Variants in WNK2 observed in about 807,000 individuals in gnomAD.
The protein encoded by WNK2 is serine/threonine-protein kinase WNK2.
In WNK2, 67 loss-of-function variants were observed where a neutral mutation model predicts 192.1. The observed-to-expected ratio is 0.35, with a 90% CI of 0.29 to 0.43. The LOEUF is 0.43. WNK2 is among the 20% of genes least tolerant of loss of function. The probability of loss-of-function intolerance (pLI) is 1.00; values close to 1 mark genes in which losing one functional copy is unlikely to be tolerated. For missense variants in WNK2, 2,698 were observed against 3,089.7 expected, an observed-to-expected ratio of 0.87 and a Z score of 3.01; for synonymous variants, 1,439 against 1,393.9, an observed-to-expected ratio of 1.03 and a Z score of -0.72.
At chr9:93,201,887 G>T (rs1386843978) in intron 2 of WNK2, among the ~76,000 whole-genome samples, 1 of 152,208 alleles carries the variant, frequency 6.6e-6, no homozygotes, top group Non-Finnish European at 1.5e-5. Context: ...AACTGTTTAT[G>T]GATGGGTTTC....
At position 93,252,944 on chromosome 9, in the gene WNK2, G is replaced by A; in HGVS notation, c.1896G>A (p.Gln632=). 6.3e-7 allele frequency: 1 copy of A among 1,577,964 alleles called. No individual in the cohort carries two copies. Among genetic ancestry groups the A allele is most frequent in the East Asian group, 2.4e-5 (1 of 41,964 alleles). Residue 632 remains glutamine (Q), a synonymous_variant, in exon 9 of 30, where the codon CAG becomes CAA. Coordinates refer to ENST00000427277, the MANE Select transcript of WNK2 (RefSeq NM_006648.4). ...STVYSDSQSS[Q]QSVMLGSLAD... is the part of the protein sequence containing the mutation. Reference sequence around the variant, plus strand: ...TGTACTCAGACTCGCAGAGCAGCCAGCAGAGCGTGATGCTTGGCTCCCTTG... The same window carrying A: ...TGTACTCAGACTCGCAGAGCAGCCAACAGAGCGTGATGCTTGGCTCCCTTG...
In WNK2 at chr9:93,231,018, A is replaced by G; in HGVS notation, c.985A>G (p.Ile329Val). ...IIHRDLKCDN[I>V]FITGPTGSVK... ...CCACCGAGACCTGAAATGTGACAAT[A>G]TTTTCATCACCGGACCAACTGGGTC... Residue 329 changes from isoleucine (I) to valine (V), a missense_variant, in exon 4 of 30, where the codon ATT becomes GTT. Ile to Val is a conservative substitution (Grantham distance 29). Transcript: ENST00000427277. 2 of 1,613,798 alleles carry G rather than the reference A, an allele frequency of 1.2e-6. No homozygotes were observed. The highest frequency in any genetic ancestry group is 1.7e-6 in the Non-Finnish European group (2 of 1,179,848).
chr9:93,297,796 G>A, intron 23 of WNK2, 57 bp from the exon 24 acceptor site: 5 of 1,498,928 alleles, frequency 3.3e-6, no homozygotes, highest in Non-Finnish European at 4.5e-6. Flanking sequence ...GGAGGAGCTG[G>A]CGGTGTTGGA....
intron 2 of WNK2, among the ~76,000 whole-genome samples, chr9:93,211,178 C>T (rs62641080): frequency 0.15 from 215 of 1,418 alleles, 21 homozygotes; most frequent in African/African-American, 0.31. Flanking sequence ...ACTCATACAT[C>T]CACTCATTCA....
Position 93,263,609 on chromosome 9 carries a change from A to G in WNK2, c.3454A>G (p.Ser1152Gly), listed in dbSNP as rs1844643049. The part of the protein sequence containing the change: ...DVTSGKELSD[S>G]CEGAFGGGRL... ...CACTTCTGGAAAAGAGCTGAGTGAC[A>G]GCTGTGAAGGCGCCTTTGGAGGGGG... Residue 1152 changes from serine to glycine, a missense_variant, in exon 15 of 30, where the codon AGC becomes GGC. Ser to Gly is a moderately conservative substitution (Grantham distance 56, BLOSUM62 0). Transcript: ENST00000427277. 6 of 1,610,576 alleles carry G rather than the reference A, an allele frequency of 3.7e-6. No individual in the cohort carries two copies. Among genetic ancestry groups the G allele is most frequent in the Non-Finnish European group, 5.1e-6 (6 of 1,179,108 alleles).
chr9:93,304,405 C>T (rs760800964), intron 26 of WNK2, among the ~76,000 whole-genome samples: 6 of 152,390 alleles, frequency 3.9e-5, no homozygotes, highest in East Asian at 3.9e-4. Flanking sequence ...AAGAAAGCAG[C>T]GGATCCCCCA....
At chr9:93,207,922 T>G (rs1378888686) in intron 2 of WNK2, among the ~76,000 whole-genome samples, 1 of 152,208 alleles carries the variant, frequency 6.6e-6, no homozygotes, top group African/African-American at 2.4e-5. Context: ...CCTGTGGACT[T>G]TAGGGGGACA....
chr9:93,201,493 A>G (rs1832349872), intron 2 of WNK2, among the ~76,000 whole-genome samples: 1 of 152,166 alleles, frequency 6.6e-6, no homozygotes. Context: ...CCTGCTGTAG[A>G]GCTTGTGGGA....
intron 7 of WNK2, among the ~76,000 whole-genome samples, chr9:93,246,618 G>T (rs1184708813): frequency 6.6e-6 from 1 of 152,204 alleles, no homozygotes; most frequent in Non-Finnish European, 1.5e-5. Context: ...GGTCACTTTT[G>T]TGGGGTCGCC....
rs1843900958 is a variant in WNK2 at position 93,259,714 on chromosome 9, G to A, written c.3066+100G>A. The A allele has an allele frequency of 1.7e-6, 2 of 1,163,716 alleles. No individual in the cohort carries two copies. The highest frequency in any genetic ancestry group is 3.1e-5 in the African/African-American group (2 of 64,522). The allele number at this position is 1,163,716 out of a possible 1,614,324, so 72.1% of individuals were successfully genotyped here. On this transcript the variant is annotated intron_variant, in intron 12 of 29. Coordinates refer to ENST00000427277, the MANE Select transcript of WNK2 (RefSeq NM_006648.4). This position sits in a 1 kb window ranked among gnomAD's most constrained non-coding sequence, Gnocchi z 4.8. ...CAGAGGCAGGCAAGGAGGCAGCCCT[G>A]CCTGGGGTCGCCCCTCTCAGGAAGA...
intron 12 of WNK2, among the ~76,000 whole-genome samples, chr9:93,260,318 G>T (rs966399792): frequency 6.6e-6 from 1 of 152,182 alleles, no homozygotes; most frequent in Non-Finnish European, 1.5e-5. Context: ...AGAGGGGCTA[G>T]TATGGGAGCC....
Position 93,289,127 on chromosome 9 carries a change from C to A in WNK2, c.4373C>A (p.Pro1458Gln). Reference protein sequence around the residue: ...PLVVGLAPCTPAPEAASTRDA... With the variant: ...PLVVGLAPCTQAPEAASTRDA... ...GTGGTGGGCCTAGCACCTTGCACTC[C>A]AGCTCCAGAGGCTGCCTCAACCAGG... The change falls in exon 20 of 30, where the codon CCA becomes CAA. Residue 1458 changes from proline to glutamine, a missense_variant. By Grantham distance (76) the Pro-to-Gln change is moderately conservative. Coordinates refer to ENST00000427277, the MANE Select transcript of WNK2 (RefSeq NM_006648.4). The A allele has an allele frequency of 6.2e-7, 1 of 1,603,418 alleles. No individual in the cohort carries two copies. Among genetic ancestry groups the A allele is most frequent in the Non-Finnish European group, 8.5e-7 (1 of 1,174,380 alleles).
chr9:93,280,617 AT>A (rs1370504886), intron 19 of WNK2, among the ~76,000 whole-genome samples: 1 of 152,164 alleles, frequency 6.6e-6, no homozygotes, highest in East Asian at 1.9e-4. Context: ...TATCCTTCAC[AT>A]TTCTTGAGTT....
At chr9:93,268,537 CTG>C in intron 18 of WNK2, 88 bp from the exon 19 acceptor site, 1 of 1,545,834 alleles carries the variant, frequency 6.5e-7, no homozygotes, top group Non-Finnish European at 8.7e-7. Flanking sequence ...CACAGACCCA[CTG>C]TGGCAAGTCT....
chr9:93,300,447 C>G (rs1320698475), intron 26 of WNK2: 1 of 296,820 alleles, frequency 3.4e-6, no homozygotes, highest in African/African-American at 2.2e-5. Flanking sequence ...CCCAGAAGGA[C>G]TGGAGCCCTT....
intron 5 of WNK2, among the ~76,000 whole-genome samples, 191 bp from the exon 6 acceptor site, chr9:93,238,042 C>G (rs1490630209): frequency 6.6e-6 from 1 of 152,154 alleles, no homozygotes; most frequent in African/African-American, 2.4e-5. Context: ...GTCCCTTTCT[C>G]CCAGAGCCCG....
chr9:93,299,110 C>A lies in WNK2; in HGVS notation c.5964C>A (p.Asp1988Glu). ...CCAGCAGAGGCCCTCCCGCTAAGGA[C>A]CCTGCCCAAGCCAGTGTGGGGCTCA... ...ADSSRGPPAK[D>E]PAQASVGLTA... Residue 1988 changes from aspartate (D) to glutamate (E), a missense_variant, in exon 25 of 30, where the codon GAC becomes GAA. Coordinates refer to ENST00000427277, the MANE Select transcript of WNK2 (RefSeq NM_006648.4). 1 of 1,611,610 alleles carries A rather than the reference C, an allele frequency of 6.2e-7. No individual in the cohort carries two copies. Among genetic ancestry groups the A allele is most frequent in the Non-Finnish European group, 8.5e-7 (1 of 1,179,644 alleles).
chr9:93,220,145 G>C (rs901931155), intron 2 of WNK2, among the ~76,000 whole-genome samples: 1 of 152,208 alleles, frequency 6.6e-6, no homozygotes, highest in Non-Finnish European at 1.5e-5. Flanking sequence ...CTGGAGGCAG[G>C]TGTACCACCC....
At position 93,247,020 on chromosome 9, in the gene WNK2, A is replaced by G. The variant is rs571118265; in HGVS notation, c.1543-523A>G. Among the ~76,000 whole-genome samples the G allele has an allele frequency of 1.3e-5, 2 of 152,266 alleles. No individual in the cohort carries two copies. Among genetic ancestry groups the G allele is most frequent in the Admixed American group, 6.5e-5 (1 of 15,286 alleles). Reference sequence around the variant, plus strand: ...ATGCTCTCAAGGCTGTGCTTGGTAAATCAGTTTTAAAATTTGCCAGGCATC... The same window carrying G: ...ATGCTCTCAAGGCTGTGCTTGGTAAGTCAGTTTTAAAATTTGCCAGGCATC... On this transcript the variant is annotated intron_variant, in intron 7 of 29. Transcript: ENST00000427277. The surrounding 1 kb of genome is among the most constrained non-coding windows in gnomAD (Gnocchi z 5.2).
Sources: allele counts gnomAD v4.1 joint callset (sites outside exome capture counted in the v4.1 genomes callset), GRCh38; gene constraint gnomAD v4.1.1; non-coding constraint Gnocchi (gnomAD v3.1); transcripts MANE v1.5; gene names NCBI Gene and HGNC (gene_info 2026-07-23, HGNC 2026-07-21).